The following MPP7 variants were observed in gnomAD, a reference collection of about 807,000 sequenced individuals.
MPP7 encodes MAGUK p55 scaffold protein 7, also known as MAGUK p55 subfamily member 7.
Under a neutral mutation model 76.5 loss-of-function variants are expected in MPP7, and 60 were observed. The ratio of observed to expected loss-of-function variants is 0.78; its 90% CI spans 0.64 to 0.97. The LOEUF is 0.97. Among genes scored for constraint, MPP7 ranks in the 50% least tolerant of loss-of-function variants. MPP7 has a pLI of 0.00. For synonymous variants in MPP7, 237 were observed against 244.5 expected (o/e 0.97, Z 0.29); for missense variants, 641 against 694.0 (o/e 0.92, Z 0.86).
chr10:28,264,978 C>T (rs1840096314), intron 1 of MPP7, among the ~76,000 whole-genome samples: 1 of 152,084 alleles, frequency 6.6e-6, no homozygotes, highest in Non-Finnish European at 1.5e-5. Flanking sequence ...ATCCTCTCTA[C>T]CAGTTTCATT....
intron 5 of MPP7, among the ~76,000 whole-genome samples, chr10:28,135,852 T>C (rs1307438640): frequency 1.3e-5 from 2 of 152,174 alleles, no homozygotes; most frequent in East Asian, 1.9e-4. Flanking sequence ...ATACTATCTA[T>C]AGCAGGGGTC....
rs746916795 is a variant in MPP7 at position 28,120,305 on chromosome 10, C to T, written c.776G>A (p.Gly259Glu). The T allele has an allele frequency of 1.5e-5, 25 of 1,613,842 alleles. No homozygotes were observed. The highest frequency in any genetic ancestry group is 2.1e-5 in the Non-Finnish European group (25 of 1,179,958). ...CKEAGLSFKK[G>E]DILQIMSQDD... ...TTGGCTCATAATCTGAAGAATATCTCCCTTTTTGAAAGAAAGCCCAGCTTC... is the reference window on the plus strand; with the variant it reads ...TTGGCTCATAATCTGAAGAATATCTTCCTTTTTGAAAGAAAGCCCAGCTTC... The change falls in exon 10 of 17, where the codon GGA becomes GAA. Residue 259 changes from glycine (G) to glutamate (E), a missense_variant. Coordinates refer to ENST00000683449, the MANE Select transcript of MPP7 (RefSeq NM_001318170.2).
At chr10:28,191,843 G>T (rs1478996907) in intron 3 of MPP7, among the ~76,000 whole-genome samples, 1 of 152,040 alleles carries the variant, frequency 6.6e-6, no homozygotes, top group Admixed American at 6.5e-5. Context: ...TATTTTTAAG[G>T]CTGGGTGCAG....
rs146299968 is a variant in MPP7, at chr10:28,199,179, C to T, written c.156+2974G>A. ...GAGAAGAGTATGAGGGAAACCACCC[C>T]CCACGATTCGATTATCTCCCGCGGG... On this transcript the variant is annotated intron_variant, in intron 3 of 16. Transcript: ENST00000683449. Among the ~76,000 whole-genome samples, 291 of 152,174 alleles carry T rather than the reference C, an allele frequency of 1.9e-3. 2 individuals carry two copies. The highest frequency in any genetic ancestry group is 5.8e-3 in the African/African-American group (240 of 41,542).
chr10:28,068,152 T>C (rs977971696), intron 13 of MPP7, among the ~76,000 whole-genome samples: 1 of 152,184 alleles, frequency 6.6e-6, no homozygotes, highest in Non-Finnish European at 1.5e-5. Context: ...AATTTTCTAA[T>C]AACTTATATA....
In MPP7 at chr10:28,152,313, C is replaced by T. The variant is rs139152617; in HGVS notation, c.157-2254G>A. ...TCAAAGTTCTGGTAACCCTGTGTTG[C>T]GTATGTGTTTTACTTTACCGCATCA... On this transcript the variant is annotated intron_variant, in intron 3 of 16. Transcript: ENST00000683449. 7.5e-4 allele frequency among the ~76,000 whole-genome samples: 114 copies of T among 152,132 alleles called. 1 individual carries two copies. In the East Asian group the frequency reaches 0.018, roughly 23 times the overall value.
At chr10:28,104,229 T>C (rs7895209) in intron 11 of MPP7, among the ~76,000 whole-genome samples, 54,263 of 151,692 alleles carry the variant, frequency 0.36, 13,688 homozygotes, top group East Asian at 0.95. Flanking sequence ...AGAGAAGGGA[T>C]GAATATTCAT....
At chr10:28,233,037 A>C (rs1174071872) in intron 2 of MPP7, among the ~76,000 whole-genome samples, 1 of 152,254 alleles carries the variant, frequency 6.6e-6, no homozygotes, top group African/African-American at 2.4e-5. Context: ...TGATTCCATA[A>C]GATTAAAAAC....
chr10:28,262,227 A>G (rs1254020106), intron 1 of MPP7, among the ~76,000 whole-genome samples: 232 of 23,176 alleles, frequency 0.01, 14 homozygotes, highest in Middle Eastern at 0.026. Context: ...ATATATATAC[A>G]TATATATATA....
intron 12 of MPP7, among the ~76,000 whole-genome samples, chr10:28,087,414 A>G (rs921750005): frequency 6.6e-6 from 1 of 151,878 alleles, no homozygotes; most frequent in African/African-American, 2.4e-5. Context: ...TCTTTTTTTA[A>G]TTAGAGAATC....
intron 1 of MPP7, among the ~76,000 whole-genome samples, chr10:28,263,957 A>T (rs183041106): frequency 2.0e-4 from 31 of 152,310 alleles, no homozygotes; most frequent in Non-Finnish European, 3.7e-4. Flanking sequence ...ATCCCCAGAA[A>T]AAAGAAAGTT....
At chr10:28,065,321 G>A (rs905618476) in intron 13 of MPP7, among the ~76,000 whole-genome samples, 10 of 152,224 alleles carry the variant, frequency 6.6e-5, no homozygotes, top group Admixed American at 4.6e-4. Context: ...TTATGACACT[G>A]CCACATGCAT....
chr10:28,288,447 C>G (rs1840836368), intron 1 of MPP7, among the ~76,000 whole-genome samples: 1 of 152,096 alleles, frequency 6.6e-6, no homozygotes, highest in African/African-American at 2.4e-5. Context: ...CACTATGTTG[C>G]CCAGGCTTGT....
chr10:28,079,767 T>C (rs140383483), intron 12 of MPP7, among the ~76,000 whole-genome samples: 1 of 152,332 alleles, frequency 6.6e-6, no homozygotes, highest in Non-Finnish European at 1.5e-5. Flanking sequence ...AACAGCAATA[T>C]GTATTACTAT....
chr10:28,240,190 C>T (rs1839219058), intron 1 of MPP7, among the ~76,000 whole-genome samples: 1 of 151,998 alleles, frequency 6.6e-6, no homozygotes, highest in Admixed American at 6.5e-5. Context: ...AAAGCAAATT[C>T]AGTAATTTAG....
At chr10:28,188,045 A>G (rs1837292749) in intron 3 of MPP7, among the ~76,000 whole-genome samples, 1 of 152,218 alleles carries the variant, frequency 6.6e-6, no homozygotes, top group Admixed American at 6.5e-5. Flanking sequence ...AGGTTGCTCT[A>G]TGAGCCTCTG....
chr10:28,138,043 GCAGTGAGTAATTTCT>G (rs1453632045), intron 5 of MPP7, among the ~76,000 whole-genome samples: 1 of 152,128 alleles, frequency 6.6e-6, no homozygotes, highest in Non-Finnish European at 1.5e-5. Context: ...GCATGCTCAG[GCAGTGAGTAATTTCT>G]CTTAAGTGAA....
At chr10:28,155,606 A>AAAAAAAAAAG (rs986887265) in intron 3 of MPP7, among the ~76,000 whole-genome samples, 4 of 150,646 alleles carry the variant, frequency 2.7e-5, no homozygotes, top group African/African-American at 9.9e-5. Context: ...TCCAAAAAAA[A>AAAAAAAAAAG]AAAGAAAGAA....
intron 3 of MPP7, among the ~76,000 whole-genome samples, chr10:28,193,663 A>G (rs541373840): frequency 4.6e-5 from 7 of 152,234 alleles, no homozygotes; most frequent in African/African-American, 1.4e-4. Flanking sequence ...TTGCAAATAC[A>G]TATCTGATAA....
Sources: gnomAD v4.1 joint callset for allele counts (sites outside exome capture counted in the v4.1 genomes callset) on GRCh38, gnomAD v4.1.1 for gene constraint, MANE v1.5 for transcripts, NCBI Gene and HGNC (gene_info 2026-07-23, HGNC 2026-07-21) for gene names.